GRIA2: variants seen among roughly 807,000 people sequenced by gnomAD.
GRIA2 encodes glutamate ionotropic receptor AMPA type subunit 2.
In GRIA2, 14 loss-of-function variants were observed where a neutral mutation model predicts 97.3. That is an observed-to-expected ratio of 0.14 (90% CI 0.10 to 0.23). The LOEUF (loss-of-function observed/expected upper bound fraction) is 0.23. Ranked by LOEUF, GRIA2 falls within the 10% of genes least tolerant of loss-of-function variation. GRIA2 has a pLI of 1.00. For synonymous variants in GRIA2, 412 were observed against 387.8 expected (o/e 1.06, Z -0.73); for missense variants, 558 against 1,069.8 (o/e 0.52, Z 6.67).
At chr4:157,347,271 G>A (rs1259463139) in intron 12 of GRIA2, among the ~76,000 whole-genome samples, 5 of 152,108 alleles carry the variant, frequency 3.3e-5, no homozygotes, top group Non-Finnish European at 7.4e-5. Context: ...GGGTACATGT[G>A]TTATTTTGGT....
At chr4:157,246,307 A>G (rs182799573) in intron 2 of GRIA2, among the ~76,000 whole-genome samples, 2 of 152,082 alleles carry the variant, frequency 1.3e-5, no homozygotes, top group Non-Finnish European at 2.9e-5. Flanking sequence ...AATTTGAATC[A>G]CATGATATTG....
chr4:157,357,358 C>T (rs2126992776), intron 12 of GRIA2, among the ~76,000 whole-genome samples: 1 of 152,036 alleles, frequency 6.6e-6, no homozygotes, highest in South Asian at 2.1e-4. Flanking sequence ...AACAATAGCT[C>T]TTGAAAAGAT....
intron 2 of GRIA2, among the ~76,000 whole-genome samples, chr4:157,286,411 A>C (rs1021044110): frequency 3.3e-5 from 5 of 151,526 alleles, no homozygotes; most frequent in Non-Finnish European, 4.4e-5. Flanking sequence ...TTCCCAAACT[A>C]GTAACAAATT....
intron 2 of GRIA2, among the ~76,000 whole-genome samples, chr4:157,243,495 A>G (rs781585964): frequency 8.5e-5 from 13 of 152,150 alleles, no homozygotes; most frequent in Non-Finnish European, 1.9e-4. Context: ...TCATGGTGGC[A>G]CAGCTGAAGG....
chr4:157,321,898 C>T (rs985531700), intron 6 of GRIA2, among the ~76,000 whole-genome samples: 1 of 152,016 alleles, frequency 6.6e-6, no homozygotes, highest in Admixed American at 6.6e-5. Context: ...CTGAGCCAGA[C>T]ACTTTTTTGG....
At chr4:157,343,128 A>G (rs1045786711) in intron 12 of GRIA2, among the ~76,000 whole-genome samples, 2 of 152,020 alleles carry the variant, frequency 1.3e-5, no homozygotes, top group African/African-American at 2.4e-5. Context: ...CATTTGTTCC[A>G]ATATGCAATC....
chr4:157,332,408 C>T (rs923001066), intron 6 of GRIA2, among the ~76,000 whole-genome samples: 2 of 151,858 alleles, frequency 1.3e-5, no homozygotes, highest in African/African-American at 4.8e-5. Context: ...ATCCATATTC[C>T]TTCTGCATTG....
chr4:157,249,794 C>A (rs2126738811), intron 2 of GRIA2: 1 of 152,220 alleles, frequency 6.6e-6, no homozygotes, highest in East Asian at 1.9e-4. Context: ...AAATTTATTT[C>A]CCATTGTCTT....
chr4:157,269,131 C>T (rs915943328), intron 2 of GRIA2, among the ~76,000 whole-genome samples: 3 of 151,886 alleles, frequency 2.0e-5, no homozygotes, highest in Non-Finnish European at 4.4e-5. Flanking sequence ...TTTATACTCT[C>T]CTCACCCCTC....
At chr4:157,257,690 T>C (rs1731340389) in intron 2 of GRIA2, among the ~76,000 whole-genome samples, 1 of 152,066 alleles carries the variant, frequency 6.6e-6, no homozygotes. Flanking sequence ...GGCAACCAAC[T>C]AAATTTTCTA....
At chr4:157,285,268 C>T (rs1001914806) in intron 2 of GRIA2, among the ~76,000 whole-genome samples, 7 of 151,388 alleles carry the variant, frequency 4.6e-5, no homozygotes, top group African/African-American at 1.5e-4. Flanking sequence ...CTGTTTTTTA[C>T]GTACTGATTC....
chr4:157,253,636 T>A (rs1462317525), intron 2 of GRIA2, among the ~76,000 whole-genome samples: 1 of 152,140 alleles, frequency 6.6e-6, no homozygotes, highest in Non-Finnish European at 1.5e-5. Flanking sequence ...TTTTGTTTGA[T>A]CAATTGCCTC....
chr4:157,347,788 T>C (rs190757986), intron 12 of GRIA2, among the ~76,000 whole-genome samples: 6 of 152,292 alleles, frequency 3.9e-5, no homozygotes, highest in Non-Finnish European at 8.8e-5. Context: ...CTCAACTAGA[T>C]ATAAGTATTA....
intron 12 of GRIA2, among the ~76,000 whole-genome samples, chr4:157,350,218 C>T (rs1047308150): frequency 1.3e-5 from 2 of 152,096 alleles, no homozygotes; most frequent in Non-Finnish European, 2.9e-5. Context: ...ATGGAGAGAA[C>T]TATCATCTCT....
intron 2 of GRIA2, among the ~76,000 whole-genome samples, chr4:157,274,332 T>G (rs1278018411): frequency 1.3e-5 from 2 of 152,006 alleles, no homozygotes; most frequent in Non-Finnish European, 2.9e-5. Flanking sequence ...TATTTTATTT[T>G]TTTTCCAATT....
intron 5 of GRIA2, among the ~76,000 whole-genome samples, chr4:157,321,093 A>T (rs2126904527): frequency 6.6e-6 from 1 of 152,258 alleles, no homozygotes; most frequent in South Asian, 2.1e-4. Flanking sequence ...CTGTAACCAC[A>T]TGGTGGTTCT....
intron 6 of GRIA2, among the ~76,000 whole-genome samples, chr4:157,326,072 C>T (rs1316001598): frequency 6.6e-6 from 1 of 152,170 alleles, no homozygotes; most frequent in Admixed American, 6.5e-5. Context: ...CTGGCTCACT[C>T]TGTTTCAGCC....
chr4:157,286,403 C>T (rs558808215), intron 2 of GRIA2, among the ~76,000 whole-genome samples: 2 of 151,338 alleles, frequency 1.3e-5, no homozygotes, highest in African/African-American at 2.4e-5. Context: ...TCCATTAGTT[C>T]CCAAACTAGT....
rs575741217 is a variant in GRIA2 at position 157,274,491 on chromosome 4, G to A, written c.230-29061G>A. On this transcript the variant is annotated intron_variant, in intron 2 of 15. Coordinates refer to ENST00000264426, the MANE Select transcript of GRIA2 (RefSeq NM_001083619.3). ...ATTAACTTGTCATTTAGCATTAGGT[G>A]TATCTCCTAATGCTATCCATCCCCC... 4.0e-4 allele frequency among the ~76,000 whole-genome samples: 61 copies of A among 151,494 alleles called. No homozygotes were observed. In the South Asian group the frequency reaches 6.3e-3, roughly 16 times the overall value.
Sources: gnomAD v4.1 joint callset for allele counts (sites outside exome capture counted in the v4.1 genomes callset) on GRCh38, gnomAD v4.1.1 for gene constraint, MANE v1.5 for transcripts, NCBI Gene and HGNC (gene_info 2026-07-23, HGNC 2026-07-21) for gene names.